Variants in METTL25 observed in about 807,000 individuals in gnomAD.
METTL25 encodes the protein methyltransferase like 25, also known as probable methyltransferase-like protein 25.
Under a neutral mutation model 71.6 loss-of-function variants are expected in METTL25, and 64 were observed. The ratio of observed to expected loss-of-function variants is 0.89; its 90% confidence interval spans 0.73 to 1.10. METTL25 has a LOEUF of 1.10. Ranked by LOEUF, METTL25 falls within the 50% of genes least tolerant of loss-of-function variation. The probability of loss-of-function intolerance (pLI) is 0.00; values close to 1 mark genes in which losing one functional copy is unlikely to be tolerated. For synonymous variants in METTL25, 287 were observed against 250.3 expected (o/e 1.15, Z -1.38); for missense variants, 807 against 707.0 (o/e 1.14, Z -1.60).
At chr12:82,441,937 G>A (rs749240427) in intron 8 of METTL25, among the ~76,000 whole-genome samples, 10 of 151,694 alleles carry the variant, frequency 6.6e-5, no homozygotes, top group South Asian at 2.1e-4. Flanking sequence ...CTTATAACCC[G>A]TTTGTGGAGG....
rs1205509547 is a variant in METTL25, at chr12:82,457,104, AG to A, written c.1572+285del. On this transcript the variant is annotated intron_variant, in intron 9 of 11. Transcript: ENST00000248306. Reference sequence around the variant, plus strand: ...AGTTAAAAAGCAGGACAACAGTACAAGTGAGAAATAGAAGTAAAGCAAGAGA... The same window carrying A: ...AGTTAAAAAGCAGGACAACAGTACAATGAGAAATAGAAGTAAAGCAAGAGA... Among the ~76,000 whole-genome samples, 6 of 152,106 alleles carry A rather than the reference AG, an allele frequency of 3.9e-5. No homozygotes were observed. In the East Asian group the frequency reaches 1.2e-3, roughly 29 times the overall value.
chr12:82,418,280 C>T (rs180847692), intron 5 of METTL25, among the ~76,000 whole-genome samples: 2 of 152,132 alleles, frequency 1.3e-5, no homozygotes, highest in Non-Finnish European at 2.9e-5. Flanking sequence ...TGTTCAGTTT[C>T]GAACAGGTTG....
At chr12:82,428,904 G>T (rs1022126808) in intron 5 of METTL25, among the ~76,000 whole-genome samples, 3 of 151,748 alleles carry the variant, frequency 2.0e-5, no homozygotes, top group Admixed American at 6.6e-5. Flanking sequence ...GTAAATACTA[G>T]CATTTTTATT....
chr12:82,463,095 C>G (rs1351269982), intron 9 of METTL25, among the ~76,000 whole-genome samples: 2 of 151,972 alleles, frequency 1.3e-5, no homozygotes, highest in Non-Finnish European at 2.9e-5. Context: ...GATCCTCCTT[C>G]TAGCTATTTG....
At chr12:82,441,217 G>A (rs548570221) in intron 8 of METTL25, among the ~76,000 whole-genome samples, 1 of 151,970 alleles carries the variant, frequency 6.6e-6, no homozygotes, top group East Asian at 1.9e-4. Flanking sequence ...TATTGCTTCT[G>A]CTAGCTGCCT....
chr12:82,414,140 GAGTA>G (rs1406352504), intron 5 of METTL25, among the ~76,000 whole-genome samples: 1 of 152,086 alleles, frequency 6.6e-6, no homozygotes, highest in African/African-American at 2.4e-5. Context: ...TACAGTAGAT[GAGTA>G]AACTTTACTG....
intron 4 of METTL25, among the ~76,000 whole-genome samples, chr12:82,400,349 AG>A (rs1236493909): frequency 6.6e-6 from 1 of 151,382 alleles, no homozygotes; most frequent in African/African-American, 2.4e-5. Context: ...AAAAAAAAAA[AG>A]AAAAAAAGAA....
chr12:82,452,198 C>T (rs146903921), intron 8 of METTL25, among the ~76,000 whole-genome samples: 12 of 152,256 alleles, frequency 7.9e-5, no homozygotes, highest in East Asian at 1.9e-4. Flanking sequence ...TCTTTTATAG[C>T]GCGTTCTCTT....
At chr12:82,410,353 T>C (rs1887460095) in intron 5 of METTL25, among the ~76,000 whole-genome samples, 3 of 152,174 alleles carry the variant, frequency 2.0e-5, no homozygotes, top group African/African-American at 7.2e-5. Context: ...AATTGCTGTC[T>C]TTTCAGTAAA....
intron 3 of METTL25, among the ~76,000 whole-genome samples, chr12:82,390,724 G>A (rs892218360): frequency 5.3e-5 from 8 of 152,028 alleles, no homozygotes; most frequent in Non-Finnish European, 1.2e-4. Context: ...TGGGTATAGA[G>A]TAAGAGCTAA....
At chr12:82,402,818 G>A (rs1886751391) in intron 4 of METTL25, among the ~76,000 whole-genome samples, 165 bp from the exon 5 acceptor site, 1 of 152,154 alleles carries the variant, frequency 6.6e-6, no homozygotes, top group Non-Finnish European at 1.5e-5. Context: ...AGGATCATTT[G>A]AGGCCAGTAA....
intron 5 of METTL25, among the ~76,000 whole-genome samples, chr12:82,430,690 C>A (rs1592712181): frequency 6.6e-6 from 1 of 151,602 alleles, no homozygotes; most frequent in Non-Finnish European, 1.5e-5. Context: ...CACAAAGCAG[C>A]TGTGTTGAGC....
At chr12:82,369,501 CT>C (rs1415457563) in intron 1 of METTL25, 8 of 447,980 alleles carry the variant, frequency 1.8e-5, no homozygotes, top group Middle Eastern at 6.9e-4. Flanking sequence ...TCCAGAGTTT[CT>C]TCCTTCTGGT....
At chr12:82,375,829 T>C (rs1883791996) in intron 1 of METTL25, among the ~76,000 whole-genome samples, 2 of 152,252 alleles carry the variant, frequency 1.3e-5, no homozygotes, top group Non-Finnish European at 2.9e-5. Context: ...TTATCCCTTA[T>C]GACCTCAGAA....
intron 8 of METTL25, among the ~76,000 whole-genome samples, chr12:82,445,109 AT>A (rs1183551871): frequency 1.3e-5 from 2 of 152,134 alleles, no homozygotes; most frequent in African/African-American, 4.8e-5. Flanking sequence ...TATATGCAGT[AT>A]TTTTTTAATA....
chr12:82,473,173 CTG>C (rs1892666373), intron 9 of METTL25, among the ~76,000 whole-genome samples: 1 of 151,980 alleles, frequency 6.6e-6, no homozygotes, highest in African/African-American at 2.4e-5. Context: ...CATGGCCTCA[CTG>C]TGCTGTTTCT....
At chr12:82,428,169 G>C (rs1889191117) in intron 5 of METTL25, among the ~76,000 whole-genome samples, 1 of 151,832 alleles carries the variant, frequency 6.6e-6, no homozygotes, top group Admixed American at 6.6e-5. Flanking sequence ...ACGTGACCTG[G>C]AATTTGCACA....
chr12:82,408,686 G>C (rs1233588212), intron 5 of METTL25, among the ~76,000 whole-genome samples: 1 of 151,358 alleles, frequency 6.6e-6, no homozygotes, highest in East Asian at 1.9e-4. Flanking sequence ...TATTTTGATA[G>C]ATGGAATATG....
intron 5 of METTL25, among the ~76,000 whole-genome samples, chr12:82,404,540 G>A (rs1281085229): frequency 6.6e-6 from 1 of 152,102 alleles, no homozygotes; most frequent in Non-Finnish European, 1.5e-5. Flanking sequence ...TAAGATTTAT[G>A]TAGGTAAGTG....
Sources: allele counts gnomAD v4.1 joint callset (sites outside exome capture counted in the v4.1 genomes callset), GRCh38; gene constraint gnomAD v4.1.1; transcripts MANE v1.5; gene names NCBI Gene and HGNC (gene_info 2026-07-23, HGNC 2026-07-21).